SPIDR: variants seen among roughly 807,000 people sequenced by gnomAD.
The protein encoded by SPIDR is scaffold protein involved in DNA repair, also known as DNA repair-scaffolding protein.
In SPIDR, 93 loss-of-function variants were observed where a neutral mutation model predicts 104.6. The ratio of observed to expected loss-of-function variants is 0.89; its 90% CI spans 0.75 to 1.06. SPIDR has a LOEUF of 1.06. SPIDR is among the 50% of genes least tolerant of loss of function. SPIDR has a pLI of 0.00. For missense variants in SPIDR, 1,154 were observed against 1,111.2 expected (o/e 1.04, Z -0.55); for synonymous variants, 431 against 416.9 (o/e 1.03, Z -0.41).
chr8:47,522,751 T>G (rs562363785), intron 8 of SPIDR, among the ~76,000 whole-genome samples: 1 of 152,378 alleles, frequency 6.6e-6, no homozygotes, highest in Non-Finnish European at 1.5e-5. Flanking sequence ...TTATTAGTTT[T>G]TAATGCTAAA....
chr8:47,296,500 A>G (rs1201308587), intron 5 of SPIDR, among the ~76,000 whole-genome samples: 1 of 152,206 alleles, frequency 6.6e-6, no homozygotes, highest in Non-Finnish European at 1.5e-5. Context: ...CTGTTTTCCC[A>G]GCACAATTTA....
intron 11 of SPIDR, among the ~76,000 whole-genome samples, chr8:47,691,159 G>C (rs1163953759): frequency 1.3e-5 from 2 of 151,662 alleles, no homozygotes; most frequent in Non-Finnish European, 2.9e-5. Context: ...CTGCATGGTG[G>C]TGCACGCCTG....
intron 7 of SPIDR, among the ~76,000 whole-genome samples, chr8:47,430,059 G>C (rs2067091000): frequency 6.6e-6 from 1 of 151,968 alleles, no homozygotes; most frequent in African/African-American, 2.4e-5. Context: ...TTTTTACTTT[G>C]TGTCTTTTAA....
intron 5 of SPIDR, among the ~76,000 whole-genome samples, chr8:47,392,855 T>C (rs1200185890): frequency 5.9e-5 from 9 of 152,232 alleles, no homozygotes; most frequent in Admixed American, 5.9e-4. Context: ...CCGTTTATTC[T>C]TTAAGGCACA....
intron 8 of SPIDR, among the ~76,000 whole-genome samples, chr8:47,444,394 G>C (rs1471834348): frequency 6.6e-6 from 1 of 152,144 alleles, no homozygotes; most frequent in African/African-American, 2.4e-5. Context: ...GTATTTATTG[G>C]TATCCCCTGT....
At chr8:47,680,500 G>A (rs1489161492) in intron 11 of SPIDR, among the ~76,000 whole-genome samples, 1 of 152,226 alleles carries the variant, frequency 6.6e-6, no homozygotes, top group Admixed American at 6.5e-5. Flanking sequence ...CAAGTTTACT[G>A]GGCCGGGTTA....
At chr8:47,374,735 C>T (rs567831419) in intron 5 of SPIDR, among the ~76,000 whole-genome samples, 4 of 152,214 alleles carry the variant, frequency 2.6e-5, no homozygotes. Flanking sequence ...GGAGACAAAG[C>T]CTTCTGTTTC....
At chr8:47,509,355 C>G (rs1048082154) in intron 8 of SPIDR, among the ~76,000 whole-genome samples, 2 of 151,022 alleles carry the variant, frequency 1.3e-5, no homozygotes, top group African/African-American at 4.9e-5. Context: ...GGTGGGTAAG[C>G]AGGAGACATG....
At chr8:47,552,056 T>G (rs536083272) in intron 8 of SPIDR, among the ~76,000 whole-genome samples, 1 of 152,330 alleles carries the variant, frequency 6.6e-6, no homozygotes, top group African/African-American at 2.4e-5. Context: ...AGCAGGTTGT[T>G]CAGTTCCCAT....
At chr8:47,371,969 C>T (rs1554639322) in intron 5 of SPIDR, among the ~76,000 whole-genome samples, 1 of 152,162 alleles carries the variant, frequency 6.6e-6, no homozygotes, top group Non-Finnish European at 1.5e-5. Flanking sequence ...TTCATTCCTC[C>T]ATCTCTGTTC....
intron 8 of SPIDR, among the ~76,000 whole-genome samples, chr8:47,507,606 G>A (rs575890494): frequency 1.2e-4 from 19 of 152,142 alleles, no homozygotes; most frequent in African/African-American, 2.7e-4. Flanking sequence ...TCTTGTTGAC[G>A]GAACTTAATT....
intron 8 of SPIDR, chr8:47,592,127 T>C (rs1427213981): frequency 7.2e-7 from 1 of 1,392,266 alleles, no homozygotes. Context: ...TGATGCACAC[T>C]TGATGATCGG....
intron 8 of SPIDR, among the ~76,000 whole-genome samples, chr8:47,518,542 G>A (rs188390145): frequency 2.0e-5 from 3 of 152,252 alleles, no homozygotes; most frequent in East Asian, 3.9e-4. Context: ...TTGGGAAGCA[G>A]GAGCACACTC....
chr8:47,519,738 T>C lies in SPIDR; in HGVS notation c.1098-76073T>C, dbSNP rs967256187. Among the ~76,000 whole-genome samples the C allele has an allele frequency of 7.0e-4, 106 of 152,310 alleles. 1 individual carries two copies. The highest frequency in any genetic ancestry group is 2.4e-3 in the African/African-American group (101 of 41,570). ...AGGTCAAGGCTGCACTGAGCTGTGA[T>C]GGCACCACTGCACTCTAGCCTAAGT... On this transcript the variant is annotated intron_variant, in intron 8 of 19. Coordinates refer to ENST00000297423, the MANE Select transcript of SPIDR (RefSeq NM_001080394.4).
intron 5 of SPIDR, among the ~76,000 whole-genome samples, chr8:47,339,657 GCATAA>G (rs1421556362): frequency 2.0e-5 from 3 of 151,212 alleles, no homozygotes; most frequent in Admixed American, 2.0e-4. Context: ...TACATGTTGA[GCATAA>G]CATAACTGTT....
At chr8:47,470,969 T>C (rs1034981661) in intron 8 of SPIDR, among the ~76,000 whole-genome samples, 14 of 152,038 alleles carry the variant, frequency 9.2e-5, no homozygotes, top group African/African-American at 1.9e-4. Flanking sequence ...CTCCTGACCT[T>C]GTGATCCGCC....
chr8:47,397,907 G>T (rs1490734498), intron 6 of SPIDR, among the ~76,000 whole-genome samples: 1 of 152,140 alleles, frequency 6.6e-6, no homozygotes, highest in Non-Finnish European at 1.5e-5. Flanking sequence ...TCGCACCATG[G>T]CTACATCAGC....
intron 8 of SPIDR, among the ~76,000 whole-genome samples, chr8:47,488,780 G>C (rs534666104): frequency 6.6e-6 from 1 of 152,234 alleles, no homozygotes; most frequent in African/African-American, 2.4e-5. Flanking sequence ...ATGCAGAAAA[G>C]ACCTTTGACA....
chr8:47,728,631 G>A, intron 17 of SPIDR: 2 of 276,884 alleles, frequency 7.2e-6, no homozygotes, highest in Non-Finnish European at 1.4e-5. Context: ...TCCGGGCCAG[G>A]GGGCAGCCTG....
Sources: gnomAD v4.1 joint callset for allele counts (sites outside exome capture counted in the v4.1 genomes callset) on GRCh38, gnomAD v4.1.1 for gene constraint, MANE v1.5 for transcripts, NCBI Gene and HGNC (gene_info 2026-07-23, HGNC 2026-07-21) for gene names.